Variants in EXOC7 observed in about 807,000 individuals in gnomAD.
The protein encoded by EXOC7 is exocyst complex component Exo70.
Under a neutral mutation model 87.6 loss-of-function variants are expected in EXOC7, and 51 were observed. The ratio of observed to expected loss-of-function variants is 0.58; its 90% CI spans 0.46 to 0.73. The LOEUF (loss-of-function observed/expected upper bound fraction) is 0.73. EXOC7 is among the 30% of genes least tolerant of loss of function. The pLI is 0.00. For missense variants in EXOC7, 744 were observed against 888.4 expected, an observed-to-expected ratio of 0.84 and a Z score of 2.07; for synonymous variants, 327 against 357.1, an observed-to-expected ratio of 0.92 and a Z score of 0.95.
intron 13 of EXOC7, 72 bp downstream of exon 13, chr17:76,086,008 C>T: frequency 1.3e-6 from 2 of 1,573,978 alleles, no homozygotes; most frequent in Non-Finnish European, 1.7e-6. Context: ...AGCCAGAGAG[C>T]ACAGACAGAA....
chr17:76,089,449 T>G, intron 7 of EXOC7, 129 bp from the exon 8 acceptor site: 1 of 1,234,196 alleles, frequency 8.1e-7, no homozygotes, highest in Non-Finnish European at 1.1e-6. Context: ...GGCTGACTGT[T>G]CTGGCAGAAA....
chr17:76,082,136 G>A lies in EXOC7; in HGVS notation c.*1512C>T. On this transcript the variant is annotated 3_prime_UTR_variant, in exon 19 of 19. Coordinates refer to ENST00000589210, the MANE Select transcript of EXOC7 (RefSeq NM_001013839.4). ...GCACGGAGGTCCAGGTGTGGGTAGA[G>A]GCCCCTTGCATCCACCCTGCTGGCT... 2.1e-6 allele frequency: 3 copies of A among 1,448,894 alleles called. No homozygotes were observed. In the South Asian group the frequency reaches 3.9e-5, roughly 19 times the overall value. The allele number at this position is 1,448,894 out of a possible 1,614,324, so 89.8% of individuals were successfully genotyped here.
chr17:76,086,987 T>A, intron 12 of EXOC7: 1 of 1,112,712 alleles, frequency 9.0e-7, no homozygotes, highest in Non-Finnish European at 1.3e-6. Context: ...AGAAACGGCA[T>A]GTCAACCCGA....
Position 76,084,499 on chromosome 17 carries a change from C to T in EXOC7, c.1776+18G>A. The T allele has an allele frequency of 1.2e-6, 2 of 1,613,374 alleles. No individual in the cohort carries two copies. The highest frequency in any genetic ancestry group is 2.2e-5 in the South Asian group (2 of 90,976). On this transcript the variant is annotated intron_variant, in intron 16 of 18. Transcript: ENST00000589210. ...CCGTCTGCCAGACACCCCTTCCCAG[C>T]CCAGGTCTTGAGCCCACCTTGACTC...
At chr17:76,096,589 T>TG (rs1288237886) in intron 5 of EXOC7, among the ~76,000 whole-genome samples, 1 of 151,798 alleles carries the variant, frequency 6.6e-6, no homozygotes, top group African/African-American at 2.4e-5. Context: ...TTTTTTGAGA[T>TG]GGAGTTTTGC....
chr17:76,090,804 G>C (rs912788412), intron 7 of EXOC7: 2 of 511,312 alleles, frequency 3.9e-6, no homozygotes, highest in African/African-American at 3.8e-5. Flanking sequence ...GGGAGGCCTC[G>C]GCCAGCTGGG....
chr17:76,095,878 C>T (rs887427580), intron 5 of EXOC7, among the ~76,000 whole-genome samples: 2 of 152,214 alleles, frequency 1.3e-5, no homozygotes, highest in Non-Finnish European at 2.9e-5. Flanking sequence ...ACAGGAAGAG[C>T]TCCTTGCACA....
chr17:76,082,976 A>G lies in EXOC7; in HGVS notation c.*672T>C. ...AACCACGACTGCCTGGCCCTGGGCC[A>G]AGAGGCACTGAGGCTGGGGGCCAGA... On this transcript the variant is annotated 3_prime_UTR_variant, in exon 19 of 19. Coordinates refer to ENST00000589210, the MANE Select transcript of EXOC7 (RefSeq NM_001013839.4). The G allele has an allele frequency of 4.4e-6, 1 of 229,724 alleles. No individual in the cohort carries two copies. The highest frequency in any genetic ancestry group is 1.0e-4 in the South Asian group (1 of 9,524). The allele number at this position is 229,724 out of a possible 1,614,324, so 14.2% of individuals were successfully genotyped here.
intron 6 of EXOC7, chr17:76,091,582 C>G (rs2598411): frequency 0.49 from 101,728 of 209,232 alleles, 25,582 homozygotes; most frequent in South Asian, 0.66. Flanking sequence ...CGGAGGAGCC[C>G]GTGACAAAGC....
chr17:76,094,420 G>A lies in EXOC7; in HGVS notation c.802C>T (p.Arg268Trp), dbSNP rs753417742. 13 of 1,612,532 alleles carry A rather than the reference G, an allele frequency of 8.1e-6. No homozygotes were observed. Among genetic ancestry groups the A allele is most frequent in the Middle Eastern group, 1.7e-4 (1 of 5,954 alleles). ...GGCCAGGATGGGGGCTCACCTGGCCGCTTGACTGGCTTCTTGGTAGGTGTG... is the reference window on the plus strand; with the variant it reads ...GGCCAGGATGGGGGCTCACCTGGCCACTTGACTGGCTTCTTGGTAGGTGTG... ...KDTPTKKPVK[R>W]PGTIRKAQNL... The change falls in exon 6 of 19, where the codon CGG becomes TGG. Residue 268 changes from arginine (R) to tryptophan (W), a missense_variant. Physicochemically the swap from Arg to Trp is moderately radical, Grantham distance 101. Around this residue, in one of 3 missense-constraint regions of EXOC7, gnomAD observed 512 missense variants for 573.0 expected, o/e 0.89. Transcript: ENST00000589210.
At chr17:76,097,142 TGGCA>T (rs2067799417) in intron 5 of EXOC7, among the ~76,000 whole-genome samples, 2 of 152,346 alleles carry the variant, frequency 1.3e-5, no homozygotes, top group South Asian at 4.1e-4. Context: ...CCACAGCACC[TGGCA>T]TAAATAAACC....
rs547520832 is a variant in EXOC7, at chr17:76,091,176, TC to T, written c.867del (p.Lys291ArgfsTer57). ...LKQYSQHGLDGKKGGSNLIPL... is the reference protein window; with the variant it reads ...LKQYSQHGLDXKKGGSNLIPL... ...GGAATGAGGTTAGAGCCCCCCTTTT[TC>T]CCATCTAGACCATGCTGGGAATACT... On this transcript the variant is annotated frameshift_variant, in exon 7 of 19. Coordinates refer to ENST00000589210, the MANE Select transcript of EXOC7 (RefSeq NM_001013839.4). LOFTEE classifies it high-confidence loss of function. 6.2e-7 allele frequency: 1 copy of T among 1,614,092 alleles called. No homozygotes were observed. Among genetic ancestry groups the T allele is most frequent in the Non-Finnish European group, 8.5e-7 (1 of 1,180,012 alleles).
intron 11 of EXOC7, 80 bp downstream of exon 11, chr17:76,087,980 A>G (rs887944244): frequency 1.3e-6 from 2 of 1,515,082 alleles, no homozygotes; most frequent in Admixed American, 3.5e-5. Context: ...AGTCCCTTCC[A>G]CCAGTACTCT....
rs746784791 is a variant in EXOC7 at position 76,081,847 on chromosome 17, C to T, written c.*1801G>A. On this transcript the variant is annotated 3_prime_UTR_variant, in exon 19 of 19. Transcript: ENST00000589210. Reference sequence around the variant, plus strand: ...TGGGCACCAGAGACACAGGGACTGGCCCCTGAGCATCTCCCTGTGCCCTGC... The same window carrying T: ...TGGGCACCAGAGACACAGGGACTGGTCCCTGAGCATCTCCCTGTGCCCTGC... 1 of 1,608,514 alleles carries T rather than the reference C, an allele frequency of 6.2e-7. No individual in the cohort carries two copies. Among genetic ancestry groups the T allele is most frequent in the African/African-American group, 1.3e-5 (1 of 74,744 alleles).
rs752520798 is a variant in EXOC7, at chr17:76,082,013, C to T, written c.*1635G>A. On this transcript the variant is annotated 3_prime_UTR_variant, in exon 19 of 19. Coordinates refer to ENST00000589210, the MANE Select transcript of EXOC7 (RefSeq NM_001013839.4). ...CAGCCCAGCCCCGAGAGGGGAACAGCGAGAGCACGGCAACCCAGGGCCTCA... is the reference window on the plus strand; with the variant it reads ...CAGCCCAGCCCCGAGAGGGGAACAGTGAGAGCACGGCAACCCAGGGCCTCA... 23 of 1,611,192 alleles carry T rather than the reference C, an allele frequency of 1.4e-5. No homozygotes were observed. Among genetic ancestry groups the T allele is most frequent in the Non-Finnish European group, 1.7e-5 (20 of 1,179,412 alleles).
intron 2 of EXOC7, 44 bp from the exon 3 acceptor site, chr17:76,101,907 C>T (rs1289469770): frequency 1.3e-6 from 2 of 1,533,348 alleles, no homozygotes; most frequent in Non-Finnish European, 1.8e-6. Flanking sequence ...ACAGTGGTCC[C>T]AGCACTGCTT....
In EXOC7 at chr17:76,101,271, C is replaced by A. The variant is rs762360507; in HGVS notation, c.417G>T (p.Val139=). ...NSPDSPELNK[V]KLLFERGKEA... The stretch of plus-strand genomic sequence containing the variant: ...TCACGTTATTCTGCGGACCCCTTAC[C>A]ACTTTGTTGAGTTCCGGGCTGTCTG... Residue 139 remains valine, a splice_region_variant and synonymous_variant, in exon 4 of 19, where the codon GTG becomes GTT. Transcript: ENST00000589210. 1 of 1,614,004 alleles carries A rather than the reference C, an allele frequency of 6.2e-7. No individual in the cohort carries two copies. Among genetic ancestry groups the A allele is most frequent in the Non-Finnish European group, 8.5e-7 (1 of 1,180,016 alleles).
intron 4 of EXOC7, 104 bp from the exon 5 acceptor site, chr17:76,098,122 T>C (rs1221272403): frequency 1.8e-5 from 15 of 852,664 alleles, no homozygotes; most frequent in Non-Finnish European, 2.6e-5. Flanking sequence ...TCAGGGCCTC[T>C]GCCCTTTTCT....
At position 76,081,217 on chromosome 17, in the gene EXOC7, C is replaced by A; in HGVS notation, c.*2431G>T. On this transcript the variant is annotated 3_prime_UTR_variant, in exon 19 of 19. Transcript: ENST00000589210. ...CACCCCTGGGCTCCAGTCTGCTACC[C>A]CCAGACTTGGCAGCTGGGATCTCTC... The A allele has an allele frequency of 6.2e-7, 1 of 1,602,662 alleles. No homozygotes were observed. Among genetic ancestry groups the A allele is most frequent in the African/African-American group, 1.3e-5 (1 of 74,898 alleles).
Sources: allele counts gnomAD v4.1 joint callset (sites outside exome capture counted in the v4.1 genomes callset), GRCh38; gene constraint gnomAD v4.1.1; regional missense constraint gnomAD v4.1.1; transcripts MANE v1.5; gene names NCBI Gene and HGNC (gene_info 2026-07-23, HGNC 2026-07-21).